ROR2: variants seen among roughly 807,000 people sequenced by gnomAD.
The protein encoded by ROR2 is tyrosine-protein kinase transmembrane receptor ROR2.
A neutral mutation model predicts 74.9 loss-of-function variants in ROR2; 33 were observed. The observed-to-expected ratio is 0.44, with a 90% CI of 0.33 to 0.59. The LOEUF (loss-of-function observed/expected upper bound fraction) is 0.59. Among genes scored for constraint, ROR2 ranks in the 20% least tolerant of loss-of-function variants. The pLI is 0.02. For synonymous variants in ROR2, 586 were observed against 558.7 expected, an observed-to-expected ratio of 1.05 and a Z score of -0.69; for missense variants, 1,216 against 1,313.8, an observed-to-expected ratio of 0.93 and a Z score of 1.15.
intron 1 of ROR2, among the ~76,000 whole-genome samples, chr9:91,813,310 C>T (rs1261047597): frequency 1.3e-5 from 2 of 152,156 alleles, no homozygotes; most frequent in Non-Finnish European, 2.9e-5. Context: ...TGATGTTTTC[C>T]CATAACCTAA....
At position 91,938,492 on chromosome 9, in the gene ROR2, C is replaced by A. The variant is rs4744115; in HGVS notation, c.97+11375G>T. Among the ~76,000 whole-genome samples the A allele has an allele frequency of 2.5e-3, 384 of 152,088 alleles. 5 individuals are homozygous for A. Among genetic ancestry groups the A allele is most frequent in the Admixed American group, 0.013 (201 of 15,274 alleles). On this transcript the variant is annotated intron_variant, in intron 1 of 8. Transcript: ENST00000375708. ...ACAAATGTGAGCCAGATGTGATGTG[C>A]ACACCTGTAATCTTAGCTATGTGGG...
chr9:91,728,751 T>C (rs1837131998), intron 7 of ROR2, among the ~76,000 whole-genome samples: 1 of 152,216 alleles, frequency 6.6e-6, no homozygotes, highest in Admixed American at 6.5e-5. Flanking sequence ...TGATTTTAAA[T>C]AGAATCGTGT....
At chr9:91,837,741 T>C (rs1828653691) in intron 1 of ROR2, among the ~76,000 whole-genome samples, 1 of 130,838 alleles carries the variant, frequency 7.6e-6, no homozygotes, top group African/African-American at 2.9e-5. Flanking sequence ...AATTTCTTAA[T>C]GTCCAGTGTT....
intron 1 of ROR2, among the ~76,000 whole-genome samples, chr9:91,872,331 C>T (rs1271780112): frequency 6.6e-6 from 1 of 152,160 alleles, no homozygotes; most frequent in African/African-American, 2.4e-5. Context: ...TCCTGGGGTG[C>T]ATCTCGTCGT....
At chr9:91,773,564 T>C (rs1429096135) in intron 2 of ROR2, among the ~76,000 whole-genome samples, 2 of 152,258 alleles carry the variant, frequency 1.3e-5, no homozygotes, top group Non-Finnish European at 2.9e-5. Context: ...CTTGCCAAAC[T>C]GAAATGTAGC....
At chr9:91,782,254 A>G (rs1241431412) in intron 1 of ROR2, among the ~76,000 whole-genome samples, 3 of 152,256 alleles carry the variant, frequency 2.0e-5, no homozygotes, top group African/African-American at 7.2e-5. Flanking sequence ...AGAAATGCTA[A>G]GTAAAGGCTC....
At chr9:91,943,376 A>T (rs1395605418) in intron 1 of ROR2, among the ~76,000 whole-genome samples, 1 of 151,908 alleles carries the variant, frequency 6.6e-6, no homozygotes, top group Admixed American at 6.6e-5. Context: ...TGCATAATTT[A>T]ACATAATATA....
At chr9:91,784,823 T>A (rs187863912) in intron 1 of ROR2, among the ~76,000 whole-genome samples, 7 of 152,298 alleles carry the variant, frequency 4.6e-5, no homozygotes, top group Middle Eastern at 3.4e-3. Context: ...CCAACTTGCT[T>A]TTCTGTTTAA....
intron 1 of ROR2, among the ~76,000 whole-genome samples, chr9:91,818,201 C>T (rs760622617): frequency 1.2e-4 from 18 of 152,252 alleles, no homozygotes; most frequent in Non-Finnish European, 2.5e-4. Flanking sequence ...ACATGCCTGG[C>T]GATCAAATCC....
intron 5 of ROR2, among the ~76,000 whole-genome samples, chr9:91,736,462 G>A (rs959592669): frequency 6.6e-6 from 1 of 152,216 alleles, no homozygotes; most frequent in Non-Finnish European, 1.5e-5. Flanking sequence ...GCAGGCATCA[G>A]AGATCACCCA....
intron 1 of ROR2, among the ~76,000 whole-genome samples, chr9:91,776,755 C>T (rs531886658): frequency 5.3e-5 from 8 of 152,340 alleles, no homozygotes; most frequent in Non-Finnish European, 1.2e-4. Context: ...ATTACACACA[C>T]CATCACTCAG....
At chr9:91,948,450 ATTGTGCACTCTG>A (rs1450560471) in intron 1 of ROR2, among the ~76,000 whole-genome samples, 1 of 152,196 alleles carries the variant, frequency 6.6e-6, no homozygotes, top group Non-Finnish European at 1.5e-5. Context: ...TACTTATTTT[ATTGTGCACTCTG>A]AGCGGTTTAT....
At chr9:91,936,555 A>C (rs1042805699) in intron 1 of ROR2, among the ~76,000 whole-genome samples, 4 of 152,234 alleles carry the variant, frequency 2.6e-5, no homozygotes, top group African/African-American at 9.6e-5. Context: ...ATTCTGAGGT[A>C]CTGGAAGTTA....
intron 2 of ROR2, among the ~76,000 whole-genome samples, chr9:91,760,891 T>C (rs554602733): frequency 9.8e-5 from 15 of 152,322 alleles, no homozygotes; most frequent in South Asian, 6.2e-4. Flanking sequence ...CACATATATT[T>C]TTAGGTAGAT....
chr9:91,811,583 G>A (rs1827752094), intron 1 of ROR2, among the ~76,000 whole-genome samples: 1 of 152,176 alleles, frequency 6.6e-6, no homozygotes, highest in African/African-American at 2.4e-5. Context: ...GGCCTTCATA[G>A]GCAAACCAAC....
intron 1 of ROR2, among the ~76,000 whole-genome samples, chr9:91,871,199 C>T (rs1373500576): frequency 6.6e-6 from 1 of 152,256 alleles, no homozygotes; most frequent in African/African-American, 2.4e-5. Context: ...TGAAGAGTCT[C>T]ACTTTCTCTG....
Position 91,767,114 on chromosome 9 carries a change from C to T in ROR2, c.175+8627G>A, listed in dbSNP as rs138634513. 3.3e-4 allele frequency among the ~76,000 whole-genome samples: 50 copies of T among 151,242 alleles called. No homozygotes were observed. The East Asian group carries it at 4.9e-3, about 15-fold the overall frequency. On this transcript the variant is annotated intron_variant, in intron 2 of 8. Coordinates refer to ENST00000375708, the MANE Select transcript of ROR2 (RefSeq NM_004560.4). ...TTTTTGAGGCGGAGGCTCGCTCTGT[C>T]GCCAGACTGGAGTGCAGTGGCGTGA...
intron 1 of ROR2, among the ~76,000 whole-genome samples, chr9:91,795,156 T>C (rs753966754): frequency 2.0e-5 from 3 of 152,122 alleles, no homozygotes; most frequent in Non-Finnish European, 2.9e-5. Flanking sequence ...TATAACAAAA[T>C]ATCAACTGCA....
chr9:91,886,756 T>G (rs1247562130), intron 1 of ROR2: 1 of 152,244 alleles, frequency 6.6e-6, no homozygotes, highest in African/African-American at 2.4e-5. Context: ...ATTGCAGGAC[T>G]CAGGGGTGCT....
Sources: gnomAD v4.1 joint callset for allele counts (sites outside exome capture counted in the v4.1 genomes callset) on GRCh38, gnomAD v4.1.1 for gene constraint, MANE v1.5 for transcripts, NCBI Gene and HGNC (gene_info 2026-07-23, HGNC 2026-07-21) for gene names.